Variants in DNAH7 observed in about 807,000 individuals in gnomAD.
DNAH7 encodes dynein axonemal heavy chain 7, also known as axonemal beta dynein heavy chain 7.
A neutral mutation model predicts 444.6 loss-of-function variants in DNAH7; 397 were observed. That is an observed-to-expected ratio of 0.89 (90% CI 0.82 to 0.97). The LOEUF (loss-of-function observed/expected upper bound fraction) is 0.97, where lower values mean the gene tolerates loss of function less well. DNAH7 is among the 50% of genes least tolerant of loss of function. The pLI is 0.00. For synonymous variants in DNAH7, 1,636 were observed against 1,624.4 expected, an observed-to-expected ratio of 1.01 and a Z score of -0.17; for missense variants, 4,902 against 4,800.8, an observed-to-expected ratio of 1.02 and a Z score of -0.62.
intron 47 of DNAH7, among the ~76,000 whole-genome samples, chr2:195,839,435 TA>T (rs1029354477): frequency 6.6e-6 from 1 of 151,598 alleles, no homozygotes; most frequent in Non-Finnish European, 1.5e-5. Flanking sequence ...CTAGAATCAA[TA>T]ACCTTCCACC....
chr2:195,914,680 T>C (rs1267765580), intron 24 of DNAH7, among the ~76,000 whole-genome samples: 1 of 152,210 alleles, frequency 6.6e-6, no homozygotes, highest in Non-Finnish European at 1.5e-5. Flanking sequence ...TATTTATTTT[T>C]TGAGACAGAA....
At chr2:195,750,919 A>C (rs1164804755) in intron 63 of DNAH7, among the ~76,000 whole-genome samples, 1 of 152,172 alleles carries the variant, frequency 6.6e-6, no homozygotes, top group African/African-American at 2.4e-5. Context: ...ATGGTGCTAA[A>C]TTTATCTAAC....
At chr2:195,947,979 C>T (rs1242894087) in intron 19 of DNAH7, among the ~76,000 whole-genome samples, 2 of 152,040 alleles carry the variant, frequency 1.3e-5, no homozygotes, top group African/African-American at 4.8e-5. Context: ...TTTTAGTGAT[C>T]ACCATTCTAA....
At chr2:196,055,307 C>T (rs981972349) in intron 2 of DNAH7, among the ~76,000 whole-genome samples, 1 of 152,098 alleles carries the variant, frequency 6.6e-6, no homozygotes, top group African/African-American at 2.4e-5. Context: ...CACACCACTG[C>T]ACTCCAGCCT....
At chr2:195,848,752 T>G (rs895004407) in intron 46 of DNAH7, among the ~76,000 whole-genome samples, 1 of 152,200 alleles carries the variant, frequency 6.6e-6, no homozygotes, top group Non-Finnish European at 1.5e-5. Context: ...GTTGGGTATT[T>G]TGAATCATTC....
intron 46 of DNAH7, among the ~76,000 whole-genome samples, chr2:195,845,474 A>C (rs1341804480): frequency 6.6e-6 from 1 of 152,220 alleles, no homozygotes; most frequent in Non-Finnish European, 1.5e-5. Context: ...TACTCCTATC[A>C]AACTACCAAT....
At chr2:195,835,381 CAAAAAAAA>C (rs58376618) in intron 47 of DNAH7, among the ~76,000 whole-genome samples, 4 of 113,054 alleles carry the variant, frequency 3.5e-5, no homozygotes, top group Non-Finnish European at 7.2e-5. Context: ...GTGACTGAGG[CAAAAAAAA>C]AAAAAAAAAA....
chr2:195,771,701 T>C lies in DNAH7; in HGVS notation c.11392A>G (p.Thr3798Ala). The C allele has an allele frequency of 6.2e-7, 1 of 1,614,128 alleles. No individual in the cohort carries two copies. The highest frequency in any genetic ancestry group is 8.5e-7 in the Non-Finnish European group (1 of 1,179,986). Residue 3798 changes from threonine (T) to alanine (A), a missense_variant, in exon 61 of 65, where the codon ACC (threonine) becomes GCC (alanine). Physicochemically the swap from Thr to Ala is moderately conservative, Grantham distance 58 (BLOSUM62 0). Transcript: ENST00000312428. Reference sequence around the variant, plus strand: ...ATATTTACGCACGAATCTCTTATGGTCTTCAGTAACTTATTGAACCGTCCC... The same window carrying C: ...ATATTTACGCACGAATCTCTTATGGCCTTCAGTAACTTATTGAACCGTCCC... ...EMGRFNKLLK[T>A]IRDSCVNIQK...
At position 195,855,702 on chromosome 2, in the gene DNAH7, A is replaced by G. The variant is rs1359831028; in HGVS notation, c.8595+109T>C. ...GTGGCCTGCGGGTCATAGTTTGCCA[A>G]TCCCTGACCAGGAAGGAAACAGGAC... On this transcript the variant is annotated intron_variant, in intron 45 of 64. Coordinates refer to ENST00000312428, the MANE Select transcript of DNAH7 (RefSeq NM_018897.3). 1.1e-5 allele frequency: 14 copies of G among 1,261,088 alleles called. No individual in the cohort carries two copies. The Admixed American group carries it at 3.2e-4, about 28-fold the overall frequency. 78.1% of individuals were successfully genotyped at this position (1,261,088 alleles called of 1,614,324 possible). A position where few individuals can be genotyped will look rare whatever the true frequency, so the allele number is the denominator to read the frequency against.
At chr2:195,969,806 C>A in intron 17 of DNAH7, 142 bp downstream of exon 17, 1 of 826,716 alleles carries the variant, frequency 1.2e-6, no homozygotes, top group Non-Finnish European at 1.8e-6. Flanking sequence ...TCTATAAAAT[C>A]TATTTGTGTC....
At chr2:195,933,509 T>C (rs1487533153) in intron 21 of DNAH7, among the ~76,000 whole-genome samples, 1 of 152,106 alleles carries the variant, frequency 6.6e-6, no homozygotes, top group Non-Finnish European at 1.5e-5. Context: ...CAAATGTCCA[T>C]CAGTGATAGA....
rs1428738337 is a variant in DNAH7, at chr2:195,786,998, T to G, written c.10878+12A>C. 3 of 1,556,116 alleles carry G rather than the reference T, an allele frequency of 1.9e-6. No individual in the cohort carries two copies. In the South Asian group the frequency reaches 3.7e-5, roughly 19 times the overall value. ...AACATAGGTAATGTCCTTGCTGTGA[T>G]TTTTATGATACCTCATACTGGTTCA... is the stretch of plus-strand genomic sequence containing the variant. On this transcript the variant is annotated intron_variant, in intron 58 of 64. Coordinates refer to ENST00000312428, the MANE Select transcript of DNAH7 (RefSeq NM_018897.3).
chr2:195,847,076 A>C (rs1574551778), intron 46 of DNAH7, among the ~76,000 whole-genome samples: 1 of 145,856 alleles, frequency 6.9e-6, no homozygotes, highest in African/African-American at 2.5e-5. Flanking sequence ...ATATATATAT[A>C]TCTGATATAT....
intron 63 of DNAH7, among the ~76,000 whole-genome samples, chr2:195,747,958 C>A (rs1381458075): frequency 6.6e-6 from 1 of 152,132 alleles, no homozygotes; most frequent in Non-Finnish European, 1.5e-5. Context: ...CACTCGTATT[C>A]AACATAGTGT....
rs762558571 is a variant in DNAH7 at position 196,000,785 on chromosome 2, A to G, written c.1272T>C (p.Asp424=). 5 of 1,606,502 alleles carry G rather than the reference A, an allele frequency of 3.1e-6. No homozygotes were observed. In the East Asian group the frequency reaches 6.7e-5, roughly 22 times the overall value. The part of the protein sequence containing the change: ...KFEPELSDYI[D]IFLNVYDVMI... Reference sequence around the variant, plus strand: ...TGACGTCATAAACATTTAGAAAGATATCTATATAGTCACTCAACTCAGGTT... The same window carrying G: ...TGACGTCATAAACATTTAGAAAGATGTCTATATAGTCACTCAACTCAGGTT... Residue 424 remains aspartate (D), a synonymous_variant, in exon 12 of 65, where the codon GAT becomes GAC. Coordinates refer to ENST00000312428, the MANE Select transcript of DNAH7 (RefSeq NM_018897.3).
chr2:195,788,043 CCAAAGGTGACAGAGT>C (rs1695712247), intron 57 of DNAH7, among the ~76,000 whole-genome samples: 1 of 152,232 alleles, frequency 6.6e-6, no homozygotes, highest in East Asian at 1.9e-4. Flanking sequence ...AGAGACACTG[CCAAAGGTGACAGAGT>C]CACAGTCACA....
At position 195,853,548 on chromosome 2, in the gene DNAH7, T is replaced by A. The variant is rs1480517034; in HGVS notation, c.8596-20A>T. 6.3e-7 allele frequency: 1 copy of A among 1,597,456 alleles called. No individual in the cohort carries two copies. Among genetic ancestry groups the A allele is most frequent in the South Asian group, 1.1e-5 (1 of 88,802 alleles). On this transcript the variant is annotated intron_variant, in intron 45 of 64. Transcript: ENST00000312428. ...GTCAACCTCGAAAATAAAAGTGAGC[T>A]TTTATCAACATTTACAAGTATAAGA...
At chr2:196,064,579 T>A (rs568503428) in intron 1 of DNAH7, among the ~76,000 whole-genome samples, 76 of 152,282 alleles carry the variant, frequency 5.0e-4, no homozygotes, top group Non-Finnish European at 7.2e-4. Context: ...ATCCTGGAAT[T>A]TTGTGTTTAT....
Position 195,872,391 on chromosome 2 carries a change from C to T in DNAH7, c.6492G>A (p.Met2164Ile), listed in dbSNP as rs192120666. The T allele has an allele frequency of 3.5e-4, 569 of 1,613,886 alleles. 8 individuals carry two copies. In the East Asian group the frequency reaches 0.012, roughly 33 times the overall value. The change falls in exon 40 of 65, where the codon ATG becomes ATA. Residue 2164 changes from methionine to isoleucine, a missense_variant. Physicochemically the swap from Met to Ile is conservative, Grantham distance 10. Coordinates refer to ENST00000312428, the MANE Select transcript of DNAH7 (RefSeq NM_018897.3). ...NGTMTLYKEA[M>I]KNLLPTPAKS... is the part of the protein sequence containing the mutation. ...TAGCTGGAGTAGGCAAGAGATTCTT[C>T]ATTGCTTCTTTATACAGAGTCATTG...
Sources: allele counts gnomAD v4.1 joint callset (sites outside exome capture counted in the v4.1 genomes callset), GRCh38; gene constraint gnomAD v4.1.1; transcripts MANE v1.5; gene names NCBI Gene and HGNC (gene_info 2026-07-23, HGNC 2026-07-21).